Variants in EYS observed in about 807,000 individuals in gnomAD.
EYS encodes the protein protein eyes shut homolog.
A neutral mutation model predicts 282.1 loss-of-function variants in EYS; 250 were observed. That is an observed-to-expected ratio of 0.89 (90% CI 0.80 to 0.98). EYS has a LOEUF of 0.98. EYS is among the 50% of genes least tolerant of loss of function. The pLI, the probability that EYS is intolerant of heterozygous loss-of-function variation, is 0.00. For synonymous variants in EYS, 1,355 were observed against 1,282.9 expected (o/e 1.06, Z -1.20); for missense variants, 4,016 against 3,709.0 (o/e 1.08, Z -2.15).
intron 12 of EYS, among the ~76,000 whole-genome samples, chr6:65,285,522 G>A (rs1768338382): frequency 1.3e-5 from 2 of 151,884 alleles, no homozygotes; most frequent in African/African-American, 4.8e-5. Context: ...CTTTTAAGAA[G>A]TGCCCTAACA....
At chr6:65,063,562 T>A (rs780625095) in intron 12 of EYS, among the ~76,000 whole-genome samples, 14 of 151,994 alleles carry the variant, frequency 9.2e-5, no homozygotes, top group Non-Finnish European at 1.6e-4. Context: ...CAGGTCAGAA[T>A]AATGGCCAAA....
intron 31 of EYS, among the ~76,000 whole-genome samples, chr6:64,130,712 C>A (rs759330608): frequency 6.6e-6 from 1 of 151,816 alleles, no homozygotes; most frequent in Admixed American, 6.6e-5. Context: ...GAAGGCATAA[C>A]AGGAGCAATG....
chr6:64,584,968 G>A (rs1052141834), intron 26 of EYS, among the ~76,000 whole-genome samples: 19 of 151,778 alleles, frequency 1.3e-4, no homozygotes, highest in African/African-American at 4.6e-4. Context: ...CAGCAATATC[G>A]TTACTGGATA....
In EYS at chr6:64,602,857, A is replaced by C. The variant is rs925899554; in HGVS notation, c.3685-9548T>G. 2.6e-5 allele frequency among the ~76,000 whole-genome samples: 4 copies of C among 152,050 alleles called. No individual in the cohort carries two copies. The South Asian group carries it at 8.3e-4, about 31-fold the overall frequency. On this transcript the variant is annotated intron_variant, in intron 24 of 42. Transcript: ENST00000503581. ...GCAATTGGAAAACAAAGTAATCTCA[A>C]AGCCATTTACAACCACCCTACCTAA...
chr6:65,266,844 T>C (rs913843807), intron 12 of EYS, among the ~76,000 whole-genome samples: 16 of 151,052 alleles, frequency 1.1e-4, no homozygotes, highest in African/African-American at 3.6e-4. Context: ...AAATTTTAAA[T>C]TAACATTTAT....
At chr6:64,976,044 A>C (rs1308322584) in intron 14 of EYS, among the ~76,000 whole-genome samples, 2 of 151,940 alleles carry the variant, frequency 1.3e-5, no homozygotes, top group Admixed American at 1.3e-4. Context: ...GCCTAACTTT[A>C]TTAAATGAAT....
At chr6:63,900,553 C>T (rs1004226969) in intron 35 of EYS, among the ~76,000 whole-genome samples, 3 of 152,160 alleles carry the variant, frequency 2.0e-5, no homozygotes, top group African/African-American at 7.2e-5. Flanking sequence ...GGTCACTCAC[C>T]TCTCCCCAGC....
At chr6:65,019,252 A>T (rs570102459) in intron 13 of EYS, among the ~76,000 whole-genome samples, 1 of 152,236 alleles carries the variant, frequency 6.6e-6, no homozygotes, top group South Asian at 2.1e-4. Context: ...TTCTTTTTAC[A>T]TTTTTTCTCA....
rs961203098 is a variant in EYS, at chr6:65,045,254, A to G, written c.2137+12360T>C. ...ACACTCTGATCTTTGACAAAATACA[A>G]TTTTCATAGTGCAATGTTTTCTAAA... On this transcript the variant is annotated intron_variant, in intron 13 of 42. Transcript: ENST00000503581. Among the ~76,000 whole-genome samples, 13 of 151,924 alleles carry G rather than the reference A, an allele frequency of 8.6e-5. No homozygotes were observed. The East Asian group carries it at 2.3e-3, about 27-fold the overall frequency.
intron 22 of EYS, among the ~76,000 whole-genome samples, chr6:64,641,592 T>A (rs926736755): frequency 3.0e-4 from 46 of 152,156 alleles, no homozygotes; most frequent in African/African-American, 1.1e-3. Flanking sequence ...TGAATTTCAC[T>A]TTGAGATAAA....
chr6:64,813,848 GC>G (rs1764671559), intron 21 of EYS, among the ~76,000 whole-genome samples: 1 of 151,810 alleles, frequency 6.6e-6, no homozygotes, highest in Admixed American at 6.6e-5. Flanking sequence ...TCAGAGAACT[GC>G]CCCTGCCCCC....
At chr6:65,645,686 A>T (rs1165755579) in intron 1 of EYS, among the ~76,000 whole-genome samples, 1 of 150,772 alleles carries the variant, frequency 6.6e-6, no homozygotes, top group Non-Finnish European at 1.5e-5. Flanking sequence ...ATATAAGATC[A>T]GAACTAAATG....
intron 2 of EYS, among the ~76,000 whole-genome samples, chr6:65,622,946 TG>T (rs1766572950): frequency 6.6e-6 from 1 of 152,106 alleles, no homozygotes; most frequent in African/African-American, 2.4e-5. Flanking sequence ...TTCGTACAGC[TG>T]AGATCTGTCT....
chr6:64,845,663 AT>A (rs1217997947), intron 19 of EYS, among the ~76,000 whole-genome samples: 2 of 152,030 alleles, frequency 1.3e-5, no homozygotes, highest in African/African-American at 4.8e-5. Flanking sequence ...ATTTGAAGTC[AT>A]TTCTTTCTTC....
intron 7 of EYS, among the ~76,000 whole-genome samples, chr6:65,384,932 CG>C (rs1427825831): frequency 2.0e-5 from 3 of 151,740 alleles, no homozygotes; most frequent in Non-Finnish European, 2.9e-5. Flanking sequence ...TGGATGATAA[CG>C]GTCTAGTTAT....
chr6:63,989,555 A>G (rs1450315275), intron 34 of EYS, among the ~76,000 whole-genome samples: 3 of 151,656 alleles, frequency 2.0e-5, no homozygotes, highest in Non-Finnish European at 3.0e-5. Context: ...ATGTTAATAT[A>G]TATTTTTATT....
At chr6:64,675,218 TG>T (rs2149899183) in intron 22 of EYS, among the ~76,000 whole-genome samples, 1 of 152,242 alleles carries the variant, frequency 6.6e-6, no homozygotes, top group Non-Finnish European at 1.5e-5. Context: ...CTTAGGCTTT[TG>T]CTCCCCACCT....
chr6:65,379,052 GAAAA>G (rs1243165309), intron 8 of EYS, among the ~76,000 whole-genome samples: 4 of 150,744 alleles, frequency 2.7e-5, no homozygotes, highest in Admixed American at 6.6e-5. Flanking sequence ...AGATAAACAA[GAAAA>G]AATAAATAAA....
intron 5 of EYS, among the ~76,000 whole-genome samples, chr6:65,471,229 CAAAAAA>C (rs527251318): frequency 0.016 from 1,518 of 96,726 alleles, 22 homozygotes; most frequent in African/African-American, 0.054. Context: ...CTCATCTTTA[CAAAAAA>C]AAAAAAAAAA....
Sources: gnomAD v4.1 joint callset for allele counts (sites outside exome capture counted in the v4.1 genomes callset) on GRCh38, gnomAD v4.1.1 for gene constraint, MANE v1.5 for transcripts, NCBI Gene and HGNC (gene_info 2026-07-23, HGNC 2026-07-21) for gene names.